The following CXCL13 variants were observed in gnomAD, a reference collection of about 807,000 sequenced individuals.
CXCL13 encodes C-X-C motif chemokine 13.
In CXCL13, 7 loss-of-function variants were observed where a neutral mutation model predicts 12.2. That is an observed-to-expected ratio of 0.57 (90% CI 0.33 to 1.07). CXCL13 has a LOEUF of 1.07. Ranked by LOEUF, CXCL13 falls within the 50% of genes least tolerant of loss-of-function variation. The pLI, the probability that CXCL13 is intolerant of heterozygous loss-of-function variation, is 0.04. For synonymous variants in CXCL13, 47 were observed against 42.4 expected (o/e 1.11, Z -0.42); for missense variants, 113 against 127.4 (o/e 0.89, Z 0.55).
At chr4:77,554,868 A>G (rs894336811) in intron 1 of CXCL13, among the ~76,000 whole-genome samples, 5 of 152,114 alleles carry the variant, frequency 3.3e-5, no homozygotes, top group Non-Finnish European at 7.4e-5. Flanking sequence ...ATGAGGATAT[A>G]TTTTTACCTA....
chr4:77,589,226 A>T (rs1726550977), intron 1 of CXCL13, among the ~76,000 whole-genome samples: 1 of 152,168 alleles, frequency 6.6e-6, no homozygotes, highest in Non-Finnish European at 1.5e-5. Context: ...ATAAGTTTTA[A>T]ATTGTGCACT....
intron 1 of CXCL13, among the ~76,000 whole-genome samples, chr4:77,534,922 A>G (rs1725023234): frequency 6.6e-6 from 1 of 152,256 alleles, no homozygotes; most frequent in African/African-American, 2.4e-5. Context: ...TTATGGAAAC[A>G]GCAGTAACTA....
At chr4:77,530,805 G>A (rs1385772729) in intron 1 of CXCL13, among the ~76,000 whole-genome samples, 1 of 151,874 alleles carries the variant, frequency 6.6e-6, no homozygotes, top group African/African-American at 2.4e-5. Flanking sequence ...GTTATTTCTT[G>A]CCTTCTGCTA....
At chr4:77,587,463 A>G (rs1032317166) in intron 1 of CXCL13, among the ~76,000 whole-genome samples, 4 of 152,180 alleles carry the variant, frequency 2.6e-5, no homozygotes, top group Non-Finnish European at 5.9e-5. Context: ...AACAATGGTG[A>G]TCCTTAGGGG....
rs765757741 is a variant in CXCL13 at position 77,611,069 on chromosome 4, T to A, written c.*30T>A. The A allele has an allele frequency of 2.6e-6, 4 of 1,568,208 alleles. No homozygotes were observed. The South Asian group carries it at 4.5e-5, about 18-fold the overall frequency. The stretch of plus-strand genomic sequence containing the variant: ...GATATTTCCACTAAGAACACCTGCA[T>A]TCTTCCCTTATCCCTGCTCTGGATT... On this transcript the variant is annotated 3_prime_UTR_variant, in exon 4 of 4. Coordinates refer to ENST00000682537, the MANE Select transcript of CXCL13 (RefSeq NM_001371558.1).
intron 1 of CXCL13, among the ~76,000 whole-genome samples, chr4:77,531,709 G>A (rs901661637): frequency 5.9e-5 from 9 of 152,110 alleles, no homozygotes. Context: ...CTAAGGACTT[G>A]CTTTGTGAAT....
chr4:77,577,247 C>A (rs947409279), intron 1 of CXCL13, among the ~76,000 whole-genome samples: 2 of 152,112 alleles, frequency 1.3e-5, no homozygotes, highest in African/African-American at 4.8e-5. Context: ...CCATAGCCAC[C>A]AGTTATCTGG....
At chr4:77,534,233 C>T (rs923888695) in intron 1 of CXCL13, among the ~76,000 whole-genome samples, 1 of 152,172 alleles carries the variant, frequency 6.6e-6, no homozygotes, top group Non-Finnish European at 1.5e-5. Flanking sequence ...TATGACCTAG[C>T]AATTGCACTC....
At chr4:77,561,641 A>G (rs1420853694) in intron 1 of CXCL13, among the ~76,000 whole-genome samples, 1 of 152,196 alleles carries the variant, frequency 6.6e-6, no homozygotes, top group Non-Finnish European at 1.5e-5. Context: ...GCCTGCCTAT[A>G]TGTCCCTGCC....
At chr4:77,520,500 C>G (rs975488155) in intron 1 of CXCL13, among the ~76,000 whole-genome samples, 2 of 152,064 alleles carry the variant, frequency 1.3e-5, no homozygotes, top group African/African-American at 2.4e-5. Flanking sequence ...GTTCACTCAT[C>G]ATTTGGCTCT....
chr4:77,572,132 C>T (rs1021977271), intron 1 of CXCL13, among the ~76,000 whole-genome samples: 4 of 151,890 alleles, frequency 2.6e-5, no homozygotes, highest in Non-Finnish European at 5.9e-5. Context: ...ACCAAGAACC[C>T]ACCAATTCCG....
chr4:77,588,297 C>G (rs1412636386), intron 1 of CXCL13, among the ~76,000 whole-genome samples: 2 of 152,124 alleles, frequency 1.3e-5, no homozygotes, highest in Non-Finnish European at 2.9e-5. Context: ...ATTTCTTAAC[C>G]CCATTACTGC....
chr4:77,593,935 G>A (rs1726681840), intron 1 of CXCL13, among the ~76,000 whole-genome samples: 4 of 152,208 alleles, frequency 2.6e-5, no homozygotes, highest in Admixed American at 2.6e-4. Context: ...CAGAGATTGG[G>A]CTGAGTTAGA....
intron 1 of CXCL13, among the ~76,000 whole-genome samples, chr4:77,573,398 G>T (rs1726137311): frequency 1.3e-5 from 2 of 149,082 alleles, no homozygotes; most frequent in Non-Finnish European, 3.0e-5. Flanking sequence ...GTGTGTGTGT[G>T]TGTGTGTGTG....
At chr4:77,519,454 T>A (rs1237395698) in intron 1 of CXCL13, among the ~76,000 whole-genome samples, 5 of 152,212 alleles carry the variant, frequency 3.3e-5, no homozygotes, top group African/African-American at 1.2e-4. Flanking sequence ...TGATGTGCAT[T>A]TCTCTGATGA....
intron 1 of CXCL13, among the ~76,000 whole-genome samples, chr4:77,573,360 TTTTGTGTGTGTGTGTGTGTGTG>T (rs1726133688): frequency 7.4e-6 from 1 of 134,528 alleles, no homozygotes; most frequent in African/African-American, 3.0e-5. Flanking sequence ...CTATTGGGTC[TTTTGTGTGTGTGTGTGTGTGTG>T]TGTGTGTGTG....
intron 1 of CXCL13, among the ~76,000 whole-genome samples, chr4:77,578,088 C>G (rs983135965): frequency 6.6e-6 from 1 of 152,132 alleles, no homozygotes. Flanking sequence ...GACATCCTGG[C>G]AAAAGGGTAA....
At chr4:77,605,632 G>A (rs575677914), upstream of CXCL13, among the ~76,000 whole-genome samples, 12 of 152,270 alleles carry the variant, frequency 7.9e-5, no homozygotes, top group Non-Finnish European at 1.6e-4. Context: ...GTCCATGTTT[G>A]CAAGAAATAT....
chr4:77,578,571 A>T (rs1364598840), intron 1 of CXCL13, among the ~76,000 whole-genome samples: 1 of 152,184 alleles, frequency 6.6e-6, no homozygotes, highest in Non-Finnish European at 1.5e-5. Context: ...GTAGGGGGAA[A>T]GAGTCTGACC....
Sources: allele counts gnomAD v4.1 joint callset (sites outside exome capture counted in the v4.1 genomes callset), GRCh38; gene constraint gnomAD v4.1.1; transcripts MANE v1.5; gene names NCBI Gene and HGNC (gene_info 2026-07-23, HGNC 2026-07-21).